CD38: variants seen among roughly 807,000 people sequenced by gnomAD.
CD38 encodes the protein CD38 molecule, also known as ADP-ribosyl cyclase/cyclic ADP-ribose hydrolase 1.
In CD38, 31 loss-of-function variants were observed where a neutral mutation model predicts 36.3. The ratio of observed to expected loss-of-function variants is 0.85; its 90% CI spans 0.64 to 1.15. The LOEUF is 1.15. CD38 is among the 50% of genes most tolerant of loss of function. CD38 has a pLI of 0.00. For missense variants in CD38, 380 were observed against 371.9 expected (o/e 1.02, Z -0.18); for synonymous variants, 131 against 135.2 (o/e 0.97, Z 0.22).
chr4:15,823,962 T>C (rs914716088), intron 2 of CD38, among the ~76,000 whole-genome samples: 1 of 152,138 alleles, frequency 6.6e-6, no homozygotes, highest in South Asian at 2.1e-4. Flanking sequence ...CCATGAAATA[T>C]TATGCAGCCA....
Position 15,835,758 on chromosome 4 carries a change from C to T in CD38, c.585+1456C>T, listed in dbSNP as rs1724056861. Among the ~76,000 whole-genome samples the T allele has an allele frequency of 1.3e-5, 2 of 152,108 alleles. 1 individual carries two copies. Among genetic ancestry groups the T allele is most frequent in the Non-Finnish European group, 2.9e-5 (2 of 68,022 alleles). Reference sequence around the variant, plus strand: ...AGCTCCTAACCTCAGGTGATCTACCCACCTTGGCCTCCCAAAGTTCTGGGA... The same window carrying T: ...AGCTCCTAACCTCAGGTGATCTACCTACCTTGGCCTCCCAAAGTTCTGGGA... On this transcript the variant is annotated intron_variant, in intron 4 of 7. Transcript: ENST00000226279.
At chr4:15,814,306 G>T (rs1158824615) in intron 1 of CD38, among the ~76,000 whole-genome samples, 1 of 151,952 alleles carries the variant, frequency 6.6e-6, no homozygotes, top group Non-Finnish European at 1.5e-5. Flanking sequence ...TTTTTTTCTT[G>T]TAAATTTGTT....
chr4:15,847,483 G>C (rs893602442), intron 7 of CD38, among the ~76,000 whole-genome samples: 1 of 95,466 alleles, frequency 1.0e-5, no homozygotes, highest in Non-Finnish European at 2.0e-5. Flanking sequence ...TGGGTGCAGC[G>C]CACCAGCATG....
chr4:15,822,675 A>T (rs1723764204), intron 2 of CD38, among the ~76,000 whole-genome samples: 1 of 152,216 alleles, frequency 6.6e-6, no homozygotes, highest in Admixed American at 6.5e-5. Context: ...TGCTCAAGGA[A>T]ATCAGAAAGG....
intron 2 of CD38, among the ~76,000 whole-genome samples, chr4:15,817,952 T>C (rs776218745): frequency 3.3e-4 from 50 of 151,906 alleles, no homozygotes; most frequent in Non-Finnish European, 5.9e-4. Flanking sequence ...CCAAGCTAGG[T>C]GCAGGAGTTT....
intron 1 of CD38, among the ~76,000 whole-genome samples, chr4:15,814,492 GT>G (rs1723541198): frequency 6.6e-6 from 1 of 152,138 alleles, no homozygotes; most frequent in Non-Finnish European, 1.5e-5. Flanking sequence ...TGCTTTTGGT[GT>G]TTTAGTCATG....
intron 1 of CD38, among the ~76,000 whole-genome samples, chr4:15,793,949 G>A (rs566261500): frequency 6.6e-6 from 1 of 152,294 alleles, no homozygotes; most frequent in East Asian, 1.9e-4. Flanking sequence ...AAGTTGGGAA[G>A]GAAACAGCAG....
intron 1 of CD38, among the ~76,000 whole-genome samples, chr4:15,781,426 C>T (rs1385987069): frequency 6.6e-6 from 1 of 152,154 alleles, no homozygotes; most frequent in Non-Finnish European, 1.5e-5. Flanking sequence ...AATATAAATA[C>T]ATTAATAGAG....
chr4:15,780,657 A>G (rs1722678458), intron 1 of CD38, among the ~76,000 whole-genome samples: 1 of 151,796 alleles, frequency 6.6e-6, no homozygotes, highest in African/African-American at 2.4e-5. Context: ...CCTTGAGACT[A>G]TTTCTTTTTT....
At chr4:15,822,372 C>A (rs1723756222) in intron 2 of CD38, among the ~76,000 whole-genome samples, 1 of 151,870 alleles carries the variant, frequency 6.6e-6, no homozygotes, top group Admixed American at 6.6e-5. Context: ...GAAATAAAGT[C>A]TTTTCAAATG....
At chr4:15,840,905 T>C (rs548715917) in intron 7 of CD38, among the ~76,000 whole-genome samples, 1 of 152,330 alleles carries the variant, frequency 6.6e-6, no homozygotes, top group Non-Finnish European at 1.5e-5. Flanking sequence ...GCTAAGCCCT[T>C]TCTCCCAAGT....
chr4:15,778,381 T>G lies in CD38; in HGVS notation c.-34T>G. The G allele has an allele frequency of 6.8e-7, 1 of 1,471,758 alleles. No homozygotes were observed. The highest frequency in any genetic ancestry group is 9.5e-7 in the Non-Finnish European group (1 of 1,052,320). The allele number at this position is 1,471,758 out of a possible 1,614,324, so 91.2% of individuals were successfully genotyped here. A position where few individuals can be genotyped will look rare whatever the true frequency, so the allele number is the denominator to read the frequency against. On this transcript the variant is annotated 5_prime_UTR_variant, in exon 1 of 8. Transcript: ENST00000226279. The surrounding 1 kb of genome is among the most constrained non-coding windows in gnomAD (Gnocchi z 4.9). ...CTTGCTGCCTAGCCTCCTGCCGGCC[T>G]CATCTTCGCCCAGCCAACCCCGCCT...
In CD38 at chr4:15,840,011, T is replaced by C. The variant is rs369475234; in HGVS notation, c.660-15T>C. 4 of 1,595,362 alleles carry C rather than the reference T, an allele frequency of 2.5e-6. No individual in the cohort carries two copies. The African/African-American group carries it at 5.4e-5, about 21-fold the overall frequency. On this transcript the variant is annotated splice_polypyrimidine_tract_variant and intron_variant, in intron 5 of 7. Transcript: ENST00000226279. ...TGGGGTTGATGTTTGGGGTTCTTTG[T>C]TTCTTCTATTTTAGCACTTTTGGGA...
In CD38 at chr4:15,852,902, T is replaced by TG. The variant is rs1392061046; in HGVS notation, c.*4304dup. ...TCGGCTCACTGCAGGCTCCACCCCC[T>TG]GGGGTTCACGCCATTCTCCTGCCTC... On this transcript the variant is annotated 3_prime_UTR_variant, in exon 8 of 8. Coordinates refer to ENST00000226279, the MANE Select transcript of CD38 (RefSeq NM_001775.4). 9 of 146,742 alleles carry TG rather than the reference T, an allele frequency of 6.1e-5. No homozygotes were observed. Among genetic ancestry groups the TG allele is most frequent in the Non-Finnish European group, 1.0e-4 (7 of 67,296 alleles). The allele number at this position is 146,742 out of a possible 1,614,324, so 9.1% of individuals were successfully genotyped here.
chr4:15,826,459 G>GCACGCACACA (rs1222637407), intron 3 of CD38, among the ~76,000 whole-genome samples: 1,553 of 146,436 alleles, frequency 0.011, 23 homozygotes, highest in African/African-American at 0.029. Context: ...ACTTTTGTGC[G>GCACGCACACA]CACACACACA....
intron 1 of CD38, among the ~76,000 whole-genome samples, chr4:15,805,946 C>T (rs1175177721): frequency 6.6e-6 from 1 of 152,134 alleles, no homozygotes; most frequent in East Asian, 1.9e-4. Flanking sequence ...GTGTAATTAC[C>T]CTGCAAGATC....
chr4:15,810,180 T>C (rs1261528358), intron 1 of CD38, among the ~76,000 whole-genome samples: 2 of 152,224 alleles, frequency 1.3e-5, no homozygotes, highest in Non-Finnish European at 2.9e-5. Flanking sequence ...ACCTGGACTT[T>C]CTTGAATACT....
At chr4:15,828,190 A>AT (rs538787118) in intron 3 of CD38, among the ~76,000 whole-genome samples, 139 of 151,498 alleles carry the variant, frequency 9.2e-4, no homozygotes, top group African/African-American at 3.2e-3. Context: ...AATTTTTTGT[A>AT]TTTTTTTTAG....
chr4:15,798,520 G>A (rs1046320858), intron 1 of CD38, among the ~76,000 whole-genome samples: 7 of 152,182 alleles, frequency 4.6e-5, no homozygotes, highest in African/African-American at 1.7e-4. Context: ...TTACCCAAAG[G>A]TATAAAAGAG....
Sources: allele counts gnomAD v4.1 joint callset (sites outside exome capture counted in the v4.1 genomes callset), GRCh38; gene constraint gnomAD v4.1.1; non-coding constraint Gnocchi (gnomAD v3.1); transcripts MANE v1.5; gene names NCBI Gene and HGNC (gene_info 2026-07-23, HGNC 2026-07-21).